The following ERICH1 variants were observed in gnomAD, a reference collection of about 807,000 sequenced individuals.
The protein encoded by ERICH1 is glutamate rich 1, also known as glutamate-rich protein 1.
ERICH1 carries 56 observed loss-of-function variants against 39.6 expected under a neutral mutation model. The ratio of observed to expected loss-of-function variants is 1.41; its 90% CI spans 1.14 to 1.77. The LOEUF (loss-of-function observed/expected upper bound fraction) is 1.77, where lower values mean the gene tolerates loss of function less well. Among genes scored for constraint, ERICH1 ranks in the 40% most tolerant of loss-of-function variants. The pLI, the probability that ERICH1 is intolerant of heterozygous loss-of-function variation, is 0.00. For synonymous variants in ERICH1, 313 were observed against 223.6 expected, an observed-to-expected ratio of 1.40 and a Z score of -3.57; for missense variants, 826 against 575.4, an observed-to-expected ratio of 1.44 and a Z score of -4.45.
chr8:710,801 A>G (rs1386103916), intron 2 of ERICH1, among the ~76,000 whole-genome samples: 1 of 152,212 alleles, frequency 6.6e-6, no homozygotes, highest in Non-Finnish European at 1.5e-5. Flanking sequence ...CGTTGCTTCC[A>G]AGTTTCGGCA....
At chr8:662,829 C>G (rs904481683), downstream of ERICH1, among the ~76,000 whole-genome samples, 1 of 152,100 alleles carries the variant, frequency 6.6e-6, no homozygotes, top group East Asian at 1.9e-4. Flanking sequence ...CTGGCCACTC[C>G]CACGCCTCAC....
At chr8:716,967 C>A (rs1166125612) in intron 1 of ERICH1, among the ~76,000 whole-genome samples, 2 of 152,186 alleles carry the variant, frequency 1.3e-5, no homozygotes, top group African/African-American at 4.8e-5. Context: ...TCCTACAGGC[C>A]CCGCTGTTAA....
Position 673,305 on chromosome 8 carries a change from T to C in ERICH1, c.1047A>G (p.Glu349=), listed in dbSNP as rs1803857479. ...SILNFLKSTQ[E]MYFYDGVSRD... ...AAAACATACCGTCATAAAAATACAT[T>C]TCCTGTGTTGACTTCAAAAAATTTA... Residue 349 remains glutamate (E), a synonymous_variant, in exon 4 of 6, where the codon GAA becomes GAG. Transcript: ENST00000262109. 6.2e-7 allele frequency: 1 copy of C among 1,604,364 alleles called. No homozygotes were observed. Among genetic ancestry groups the C allele is most frequent in the Non-Finnish European group, 8.5e-7 (1 of 1,172,074 alleles).
chr8:679,644 G>C (rs1290408452), intron 3 of ERICH1, among the ~76,000 whole-genome samples: 1 of 152,220 alleles, frequency 6.6e-6, no homozygotes, highest in Non-Finnish European at 1.5e-5. Context: ...CTGCCTCAAA[G>C]GAAGAAATCT....
chr8:713,186 A>G (rs1815149877), intron 2 of ERICH1, among the ~76,000 whole-genome samples: 1 of 152,224 alleles, frequency 6.6e-6, no homozygotes, highest in Admixed American at 6.5e-5. Context: ...TGACGACTTC[A>G]TTGACCCTTA....
chr8:695,724 C>T, intron 2 of ERICH1, among the ~76,000 whole-genome samples: 1 of 116,240 alleles, frequency 8.6e-6, no homozygotes, highest in Non-Finnish European at 1.8e-5. Flanking sequence ...TCCTCTACTT[C>T]CTCCCCATCA....
At chr8:721,708 T>C (rs1363325085) in intron 1 of ERICH1, among the ~76,000 whole-genome samples, 12 of 152,222 alleles carry the variant, frequency 7.9e-5, no homozygotes, top group African/African-American at 2.9e-4. Flanking sequence ...ACAGCCTGTC[T>C]TCCAACGGGC....
chr8:631,958 G>A (rs898948804), intron 3 of ERICH1, among the ~76,000 whole-genome samples: 3 of 152,064 alleles, frequency 2.0e-5, no homozygotes, highest in South Asian at 2.1e-4. Flanking sequence ...TTTCCCAAAG[G>A]TGCTTCCTGT....
At chr8:691,707 A>T (rs1238754802) in intron 3 of ERICH1, among the ~76,000 whole-genome samples, 1 of 152,206 alleles carries the variant, frequency 6.6e-6, no homozygotes, top group African/African-American at 2.4e-5. Flanking sequence ...ATGGTTTCTG[A>T]TCCTTTAATT....
chr8:682,748 ATAGT>A (rs1163080023), intron 3 of ERICH1, among the ~76,000 whole-genome samples: 6 of 152,356 alleles, frequency 3.9e-5, no homozygotes, highest in Admixed American at 3.3e-4. Flanking sequence ...TGGAGTAGAA[ATAGT>A]TAGATAACAA....
downstream of ERICH1, among the ~76,000 whole-genome samples, chr8:662,015 C>A (rs1801494437): frequency 6.6e-6 from 1 of 150,966 alleles, no homozygotes; most frequent in South Asian, 2.1e-4. Flanking sequence ...CCTGCAATGG[C>A]AGGTATTCTG....
chr8:716,002 C>G lies in ERICH1; in HGVS notation c.28G>C (p.Val10Leu). 6 of 1,607,814 alleles carry G rather than the reference C, an allele frequency of 3.7e-6. No homozygotes were observed. The highest frequency in any genetic ancestry group is 4.2e-6 in the Non-Finnish European group (5 of 1,178,020). The change falls in exon 2 of 6, where the codon GTG (valine) becomes CTG (leucine). Residue 10 changes from valine to leucine, a missense_variant. Transcript: ENST00000262109. The stretch of plus-strand genomic sequence containing the variant: ...AAAAGTCTCTGCAGCACCTTCTCCA[C>G]AAACACTGTACAGACAACCGATTAA... MAAHRKHVFVEKVLQRLFPP... is the reference protein window; with the variant it reads MAAHRKHVFLEKVLQRLFPP...
At chr8:642,186 G>T (rs150104686) in intron 3 of ERICH1, among the ~76,000 whole-genome samples, 35 of 152,250 alleles carry the variant, frequency 2.3e-4, no homozygotes, top group African/African-American at 8.4e-4. Flanking sequence ...AGCACTTAAC[G>T]CGACTGGCCC....
At chr8:639,828 G>T (rs13267834) in intron 3 of ERICH1, among the ~76,000 whole-genome samples, 18,177 of 100,674 alleles carry the variant, frequency 0.18, 2,441 homozygotes, top group Middle Eastern at 0.29. Context: ...CGAATCCAGT[G>T]AGCAGACACA....
At chr8:710,360 C>G (rs575949036) in intron 2 of ERICH1, among the ~76,000 whole-genome samples, 1 of 148,062 alleles carries the variant, frequency 6.8e-6, no homozygotes, top group African/African-American at 2.5e-5. Flanking sequence ...TCCTCGGCAT[C>G]GTACGGGGCG....
At chr8:718,894 T>C (rs1465845872) in intron 1 of ERICH1, among the ~76,000 whole-genome samples, 1 of 152,182 alleles carries the variant, frequency 6.6e-6, no homozygotes, top group African/African-American at 2.4e-5. Flanking sequence ...GACCCATGTG[T>C]TGTGCGGTTT....
Position 731,170 on chromosome 8 carries a change from CT to C in ERICH1, c.-10del. 1 of 1,506,714 alleles carries C rather than the reference CT, an allele frequency of 6.6e-7. No homozygotes were observed. Among genetic ancestry groups the C allele is most frequent in the Non-Finnish European group, 8.9e-7 (1 of 1,129,888 alleles). 93.3% of individuals were successfully genotyped at this position (1,506,714 alleles called of 1,614,324 possible). On this transcript the variant is annotated 5_prime_UTR_variant, in exon 1 of 6. Transcript: ENST00000262109. ...TTCCTGTGCGCCGCCATGCGGGACC[CT>C]GCCGCGGACCTCAGACCACGGCGCG...
chr8:622,048 A>G (rs992679749), intron 3 of ERICH1, among the ~76,000 whole-genome samples: 1 of 152,048 alleles, frequency 6.6e-6, no homozygotes, highest in African/African-American at 2.4e-5. Flanking sequence ...CAACACCTCT[A>G]CAGAAAATAA....
At chr8:626,846 C>G in intron 3 of ERICH1, 1 of 265,730 alleles carries the variant, frequency 3.8e-6, no homozygotes, top group Non-Finnish European at 7.9e-6. Context: ...CTCTTAATCT[C>G]GGAGGCTGTC....
Sources: allele counts gnomAD v4.1 joint callset (sites outside exome capture counted in the v4.1 genomes callset), GRCh38; gene constraint gnomAD v4.1.1; transcripts MANE v1.5; gene names NCBI Gene and HGNC (gene_info 2026-07-23, HGNC 2026-07-21).